Variants in SDK1 observed in about 807,000 individuals in gnomAD.
SDK1 encodes the protein protein sidekick-1.
Under a neutral mutation model 245.5 loss-of-function variants are expected in SDK1, and 157 were observed. The observed-to-expected ratio is 0.64, with a 90% CI of 0.56 to 0.73. The LOEUF (loss-of-function observed/expected upper bound fraction) is 0.73. Ranked by LOEUF, SDK1 falls within the 30% of genes least tolerant of loss-of-function variation. The pLI is 0.00. For missense variants in SDK1, 3,583 were observed against 3,002.3 expected, an observed-to-expected ratio of 1.19 and a Z score of -4.52; for synonymous variants, 1,647 against 1,278.5, an observed-to-expected ratio of 1.29 and a Z score of -6.15.
chr7:3,855,723 A>G (rs1435740114), intron 5 of SDK1, among the ~76,000 whole-genome samples: 5 of 152,182 alleles, frequency 3.3e-5, no homozygotes, highest in South Asian at 2.1e-4. Flanking sequence ...TTAGGTGCCA[A>G]TAAAAGAGAA....
intron 1 of SDK1, among the ~76,000 whole-genome samples, chr7:3,369,284 A>G (rs547459745): frequency 2.2e-4 from 34 of 152,116 alleles, no homozygotes; most frequent in African/African-American, 6.7e-4. Flanking sequence ...TAAGCAGTCC[A>G]CCTGCCTCGG....
At chr7:3,883,492 T>TA (rs1378194099) in intron 5 of SDK1, among the ~76,000 whole-genome samples, 2 of 152,122 alleles carry the variant, frequency 1.3e-5, no homozygotes, top group Admixed American at 6.6e-5. Flanking sequence ...TTGAGGCCCC[T>TA]AAAAAATCAC....
At chr7:3,642,621 C>G (rs1247105251) in intron 4 of SDK1, among the ~76,000 whole-genome samples, 2 of 152,168 alleles carry the variant, frequency 1.3e-5, no homozygotes, top group Non-Finnish European at 2.9e-5. Context: ...TAGTGGTTCA[C>G]CCATCTATTG....
chr7:4,005,395 T>TGA (rs1263272467), intron 14 of SDK1, among the ~76,000 whole-genome samples: 1 of 83,568 alleles, frequency 1.2e-5, no homozygotes, highest in Non-Finnish European at 2.6e-5. Context: ...CTTATGTGAG[T>TGA]GTGTGTGTGT....
intron 30 of SDK1, among the ~76,000 whole-genome samples, chr7:4,151,425 C>G (rs1433664493): frequency 6.6e-6 from 1 of 152,222 alleles, no homozygotes; most frequent in Non-Finnish European, 1.5e-5. Flanking sequence ...TCTTACAGGG[C>G]ACAACATCTG....
intron 42 of SDK1, among the ~76,000 whole-genome samples, chr7:4,241,385 A>T (rs1453605669): frequency 6.6e-6 from 1 of 152,180 alleles, no homozygotes; most frequent in Non-Finnish European, 1.5e-5. Context: ...TTGCCATCCC[A>T]GCACTTTGAG....
intron 1 of SDK1, among the ~76,000 whole-genome samples, chr7:3,437,515 T>C (rs1780063951): frequency 6.6e-6 from 1 of 152,164 alleles, no homozygotes; most frequent in African/African-American, 2.4e-5. Context: ...CTCACACTTG[T>C]AATCTCAGAG....
At chr7:3,727,725 G>C (rs1266868412) in intron 4 of SDK1, among the ~76,000 whole-genome samples, 2 of 151,872 alleles carry the variant, frequency 1.3e-5, no homozygotes, top group South Asian at 2.1e-4. Context: ...TCCTGACCTC[G>C]GGTGATCCAC....
chr7:3,944,717 G>A (rs1780506513), intron 5 of SDK1, among the ~76,000 whole-genome samples: 1 of 152,102 alleles, frequency 6.6e-6, no homozygotes. Context: ...TACAAAAGGA[G>A]CAAAAAACCC....
At chr7:4,172,400 C>G (rs927537612) in intron 32 of SDK1, among the ~76,000 whole-genome samples, 3 of 152,334 alleles carry the variant, frequency 2.0e-5, no homozygotes, top group East Asian at 1.9e-4. Context: ...GCAAGCCCCC[C>G]TCACTATCCA....
chr7:3,602,797 T>C (rs1361055354), intron 1 of SDK1, among the ~76,000 whole-genome samples: 1 of 152,238 alleles, frequency 6.6e-6, no homozygotes, highest in East Asian at 1.9e-4. Flanking sequence ...TTCTAGGGTT[T>C]TTATAGTTTT....
At chr7:4,083,534 C>CTCCA (rs1781199665) in intron 22 of SDK1, among the ~76,000 whole-genome samples, 1 of 100,802 alleles carries the variant, frequency 9.9e-6, no homozygotes, top group Non-Finnish European at 1.9e-5. Flanking sequence ...TCCTCCCTCC[C>CTCCA]TCCCTCCCTC....
In SDK1 at chr7:3,301,713, C is replaced by T. The variant is rs1779265158; in HGVS notation, c.127C>T (p.Arg43Cys). 2.0e-6 allele frequency: 2 copies of T among 975,908 alleles called. No individual in the cohort carries two copies. Among genetic ancestry groups the T allele is most frequent in the African/African-American group, 3.6e-5 (2 of 56,164 alleles). 60.5% of individuals were successfully genotyped at this position (975,908 alleles called of 1,614,324 possible). ...PGRARPSLAP[R>C]PGPEPSRPRA... ...CCGCGCCCGCCCCTCGCTGGCGCCG[C>T]GCCCCGGCCCGGAGCCCTCGCGACC... is the stretch of plus-strand genomic sequence containing the variant. Residue 43 changes from arginine (R) to cysteine (C), a missense_variant, in exon 1 of 45, where the codon CGC becomes TGC. Coordinates refer to ENST00000404826, the MANE Select transcript of SDK1 (RefSeq NM_152744.4).
intron 4 of SDK1, among the ~76,000 whole-genome samples, chr7:3,724,150 A>C (rs1778938048): frequency 6.6e-6 from 1 of 151,918 alleles, no homozygotes; most frequent in African/African-American, 2.4e-5. Flanking sequence ...TTTTTAGTAG[A>C]GACAGGGTTT....
chr7:3,856,207 T>C (rs1562493454), intron 5 of SDK1, among the ~76,000 whole-genome samples: 1 of 152,146 alleles, frequency 6.6e-6, no homozygotes, highest in Non-Finnish European at 1.5e-5. Flanking sequence ...AAAGTAAGTT[T>C]CTGTAAATGT....
At chr7:4,241,986 A>T (rs1162180075) in intron 43 of SDK1, 73 bp downstream of exon 43, 1 of 1,550,810 alleles carries the variant, frequency 6.4e-7, no homozygotes, top group Non-Finnish European at 8.8e-7. Flanking sequence ...GCCCACGCCC[A>T]CTGGCACCTC....
At chr7:4,023,730 C>G (rs1787115311) in intron 17 of SDK1, among the ~76,000 whole-genome samples, 1 of 152,150 alleles carries the variant, frequency 6.6e-6, no homozygotes, top group Non-Finnish European at 1.5e-5. Flanking sequence ...TTGAAGCAAT[C>G]AGTAGTTCAT....
intron 5 of SDK1, among the ~76,000 whole-genome samples, chr7:3,950,049 T>C (rs1042329150): frequency 2.0e-5 from 3 of 152,162 alleles, no homozygotes; most frequent in African/African-American, 4.8e-5. Context: ...GTAAGCAAAC[T>C]CTTAAATCAA....
chr7:3,494,840 T>TA (rs1781974948), intron 1 of SDK1, among the ~76,000 whole-genome samples: 1 of 152,228 alleles, frequency 6.6e-6, no homozygotes, highest in Non-Finnish European at 1.5e-5. Context: ...GTTAAAAACT[T>TA]AATGTGTATA....
Sources: allele counts gnomAD v4.1 joint callset (sites outside exome capture counted in the v4.1 genomes callset), GRCh38; gene constraint gnomAD v4.1.1; transcripts MANE v1.5; gene names NCBI Gene and HGNC (gene_info 2026-07-23, HGNC 2026-07-21).